The following IL1RAPL1 variants were observed in gnomAD, a reference collection of about 807,000 sequenced individuals.
IL1RAPL1 encodes interleukin-1 receptor accessory protein-like 1.
In IL1RAPL1, 3 loss-of-function variants were observed where a neutral mutation model predicts 48.4. That is an observed-to-expected ratio of 0.06 (90% CI 0.03 to 0.16). The LOEUF (loss-of-function observed/expected upper bound fraction) is 0.16, where lower values mean the gene tolerates loss of function less well. IL1RAPL1 is among the 10% of genes least tolerant of loss of function. The pLI, the probability that IL1RAPL1 is intolerant of heterozygous loss-of-function variation, is 1.00. For missense variants in IL1RAPL1, 349 were observed against 530.6 expected (o/e 0.66, Z 3.36); for synonymous variants, 185 against 187.7 (o/e 0.99, Z 0.12).
chrX:29,918,895 ATAAG>A (rs1312366572), intron 7 of IL1RAPL1, among the ~76,000 whole-genome samples: 23 of 112,400 alleles, frequency 2.0e-4, no homozygotes, highest in Non-Finnish European at 3.2e-4. Flanking sequence ...GTTAATAATA[ATAAG>A]TAAGTTACAA....
chrX:29,158,937 C>CCCCT, intron 2 of IL1RAPL1, among the ~76,000 whole-genome samples: 1 of 58,753 alleles, frequency 1.7e-5, no homozygotes, highest in Non-Finnish European at 3.0e-5. Flanking sequence ...TCTCTCCCCC[C>CCCCT]CCCTCCCTCC....
intron 1 of IL1RAPL1, among the ~76,000 whole-genome samples, chrX:28,633,292 GA>G (rs781412863): frequency 1.2e-3 from 132 of 111,172 alleles, no homozygotes; most frequent in Admixed American, 1.9e-3. Flanking sequence ...ATCTCCTGAG[GA>G]CCATTGGTGG....
At chrX:29,243,763 C>A (rs774043033) in intron 2 of IL1RAPL1, among the ~76,000 whole-genome samples, 1 of 111,805 alleles carries the variant, frequency 8.9e-6, no homozygotes, top group East Asian at 2.8e-4. Context: ...GGATCTGGAG[C>A]CTTCCTTAAT....
At chrX:28,692,183 C>T (rs945506710) in intron 1 of IL1RAPL1, among the ~76,000 whole-genome samples, 2 of 111,461 alleles carry the variant, frequency 1.8e-5, no homozygotes, top group Non-Finnish European at 3.8e-5. Flanking sequence ...ATGAGAATGA[C>T]ATCAAGCCAT....
At chrX:28,659,085 A>G in intron 1 of IL1RAPL1, 3 of 668,208 alleles carry the variant, frequency 4.5e-6, no homozygotes, top group Non-Finnish European at 7.2e-6. Flanking sequence ...CCACGTATGC[A>G]GCCTGCTAGC....
chrX:29,790,438 C>T (rs986446580), intron 6 of IL1RAPL1, among the ~76,000 whole-genome samples: 1 of 111,817 alleles, frequency 8.9e-6, no homozygotes, highest in African/African-American at 3.2e-5. Context: ...CACATCTTGC[C>T]TGTAACTAAA....
chrX:29,778,130 A>G (rs990036747), intron 6 of IL1RAPL1, among the ~76,000 whole-genome samples: 1 of 111,396 alleles, frequency 9.0e-6, no homozygotes, highest in Non-Finnish European at 1.9e-5. Flanking sequence ...TTAACAAGCT[A>G]TGGCTCACTT....
intron 5 of IL1RAPL1, among the ~76,000 whole-genome samples, chrX:29,585,487 G>A (rs1429605041): frequency 8.9e-6 from 1 of 111,827 alleles, no homozygotes; most frequent in South Asian, 3.7e-4. Flanking sequence ...ATAATGCTGC[G>A]ATGAGCTTGG....
intron 6 of IL1RAPL1, among the ~76,000 whole-genome samples, chrX:29,696,661 G>A (rs1926920901): frequency 8.9e-6 from 1 of 111,826 alleles, no homozygotes; most frequent in African/African-American, 3.3e-5. Flanking sequence ...GCTTACCGCA[G>A]TTGGTCAACA....
At chrX:29,120,543 C>A (rs1928762899) in intron 2 of IL1RAPL1, among the ~76,000 whole-genome samples, 1 of 111,354 alleles carries the variant, frequency 9.0e-6, no homozygotes, top group African/African-American at 3.3e-5. Context: ...GTTACTGTAG[C>A]CTTGTAGTAT....
intron 2 of IL1RAPL1, among the ~76,000 whole-genome samples, chrX:29,273,493 A>G (rs1278160469): frequency 9.0e-6 from 1 of 111,466 alleles, no homozygotes; most frequent in Non-Finnish European, 1.9e-5. Flanking sequence ...TGAAGTTAAG[A>G]TCTTGCTGTA....
intron 3 of IL1RAPL1, among the ~76,000 whole-genome samples, chrX:29,283,709 C>G (rs752892866): frequency 1.8e-5 from 2 of 111,888 alleles, no homozygotes; most frequent in East Asian, 5.6e-4. Context: ...AGGTTGTGTT[C>G]CAGATTGCTT....
chrX:29,228,332 A>AGTGTGTGTGTGTGT lies in IL1RAPL1; in HGVS notation c.83-54578_83-54565dup, dbSNP rs1555978439. On this transcript the variant is annotated intron_variant, in intron 2 of 10. Coordinates refer to ENST00000378993, the MANE Select transcript of IL1RAPL1 (RefSeq NM_014271.4). ...TAAACACTGTAGTTTAGTTTTGCCT[A>AGTGTGTGTGTGTGT]GTGTGTGTGTGTGTGTGTGTGTGTG... is the stretch of plus-strand genomic sequence containing the variant. 6.4e-4 allele frequency among the ~76,000 whole-genome samples: 51 copies of AGTGTGTGTGTGTGT among 79,550 alleles called. 1 individual carries two copies. The highest frequency in any genetic ancestry group is 1.8e-3 in the African/African-American group (39 of 21,170). The allele number at this position is 79,550 out of a possible 115,157, so 69.1% of individuals were successfully genotyped here. A position where few individuals can be genotyped will look rare whatever the true frequency, so the allele number is the denominator to read the frequency against.
intron 2 of IL1RAPL1, among the ~76,000 whole-genome samples, chrX:29,197,029 T>C (rs970679242): frequency 9.0e-6 from 1 of 110,597 alleles, no homozygotes; most frequent in African/African-American, 3.3e-5. Context: ...TTAGGATTCT[T>C]AGAGGTTAGA....
At chrX:29,857,164 G>A (rs759071978) in intron 6 of IL1RAPL1, among the ~76,000 whole-genome samples, 6 of 111,159 alleles carry the variant, frequency 5.4e-5, no homozygotes, top group African/African-American at 1.6e-4. Flanking sequence ...AAATAAGTAC[G>A]TCTAAATTTA....
chrX:29,111,107 GAAT>G (rs1928556382), intron 2 of IL1RAPL1, among the ~76,000 whole-genome samples: 2 of 110,969 alleles, frequency 1.8e-5, no homozygotes, highest in South Asian at 7.6e-4. Context: ...ATGATACAAA[GAAT>G]AATAAAATGA....
chrX:29,495,008 A>T (rs1256007233), intron 5 of IL1RAPL1, among the ~76,000 whole-genome samples: 2 of 112,011 alleles, frequency 1.8e-5, no homozygotes, highest in Non-Finnish European at 3.8e-5. Context: ...CAGTTTCTAA[A>T]AGAAAAATTA....
intron 7 of IL1RAPL1, among the ~76,000 whole-genome samples, chrX:29,918,151 A>AAAAAAAAAAAAT (rs1569203082): frequency 1.5e-5 from 1 of 67,649 alleles, no homozygotes; most frequent in African/African-American, 6.4e-5. Context: ...AAAAATATAT[A>AAAAAAAAAAAAT]TATATATATA....
intron 6 of IL1RAPL1, among the ~76,000 whole-genome samples, chrX:29,677,836 G>C (rs756072184): frequency 5.3e-5 from 6 of 112,197 alleles, no homozygotes; most frequent in African/African-American, 1.9e-4. Context: ...GAATAGTTAA[G>C]TAACCAGAAT....
Sources: allele counts gnomAD v4.1 joint callset (sites outside exome capture counted in the v4.1 genomes callset), GRCh38; gene constraint gnomAD v4.1.1; transcripts MANE v1.5; gene names NCBI Gene and HGNC (gene_info 2026-07-23, HGNC 2026-07-21).